Variants in PARM1 observed in about 807,000 individuals in gnomAD.
The protein encoded by PARM1 is WSC4, cell wall integrity and stress response component 4 homolog.
A neutral mutation model predicts 24.6 loss-of-function variants in PARM1; 14 were observed. That is an observed-to-expected ratio of 0.57 (90% confidence interval 0.38 to 0.89). The LOEUF is 0.89. Ranked by LOEUF, PARM1 falls within the 40% of genes least tolerant of loss-of-function variation. PARM1 has a pLI of 0.00. For synonymous variants in PARM1, 179 were observed against 156.6 expected (o/e 1.14, Z -1.07); for missense variants, 362 against 380.4 (o/e 0.95, Z 0.40).
intron 1 of PARM1, among the ~76,000 whole-genome samples, chr4:74,959,749 A>G (rs1721725661): frequency 6.6e-6 from 1 of 152,336 alleles, no homozygotes; most frequent in Non-Finnish European, 1.5e-5. Flanking sequence ...TGATCTTTTT[A>G]TAGCACTTAC....
At chr4:74,984,697 G>A (rs976631825) in intron 1 of PARM1, among the ~76,000 whole-genome samples, 7 of 152,188 alleles carry the variant, frequency 4.6e-5, no homozygotes, top group Non-Finnish European at 7.3e-5. Context: ...TTAACATAGC[G>A]TAGACTGTTT....
intron 2 of PARM1, among the ~76,000 whole-genome samples, chr4:75,031,128 C>T (rs532948008): frequency 6.6e-5 from 10 of 152,254 alleles, no homozygotes; most frequent in African/African-American, 2.2e-4. Flanking sequence ...GAGGTAACAG[C>T]AAGCTCAGGA....
chr4:75,033,871 C>T lies in PARM1; in HGVS notation c.770-12C>T. On this transcript the variant is annotated splice_polypyrimidine_tract_variant and intron_variant, in intron 2 of 3. Transcript: ENST00000307428. Reference sequence around the variant, plus strand: ...CATGTATCTTCTTTTCTGTGCCCTTCCTCCTTCACAGGCAGCATCGCCGCC... The same window carrying T: ...CATGTATCTTCTTTTCTGTGCCCTTTCTCCTTCACAGGCAGCATCGCCGCC... The T allele has an allele frequency of 1.9e-6, 3 of 1,589,522 alleles. No homozygotes were observed. Among genetic ancestry groups the T allele is most frequent in the Non-Finnish European group, 2.6e-6 (3 of 1,167,384 alleles).
At chr4:74,972,257 G>A (rs1264017573) in intron 1 of PARM1, among the ~76,000 whole-genome samples, 2 of 152,156 alleles carry the variant, frequency 1.3e-5, no homozygotes, top group Non-Finnish European at 2.9e-5. Flanking sequence ...GTCTACTGTT[G>A]GGGAGCCCTG....
intron 2 of PARM1, among the ~76,000 whole-genome samples, chr4:75,019,840 A>G (rs1366980558): frequency 1.3e-5 from 2 of 150,594 alleles, no homozygotes; most frequent in East Asian, 1.9e-4. Flanking sequence ...CGTCTCTACT[A>G]AAAATACAAA....
At chr4:74,988,119 C>T (rs751212592) in intron 1 of PARM1, among the ~76,000 whole-genome samples, 1 of 151,926 alleles carries the variant, frequency 6.6e-6, no homozygotes, top group Non-Finnish European at 1.5e-5. Context: ...ACAATGGGCA[C>T]CTTTATGCAA....
At chr4:75,012,306 G>T (rs1436359822) in intron 1 of PARM1, 119 bp from the exon 2 acceptor site, 5 of 1,124,346 alleles carry the variant, frequency 4.4e-6, no homozygotes, top group Non-Finnish European at 6.3e-6. Context: ...AGGGCACAAT[G>T]CAAAATGAGA....
intron 1 of PARM1, among the ~76,000 whole-genome samples, chr4:74,934,191 A>G (rs931082104): frequency 2.6e-5 from 4 of 151,932 alleles, no homozygotes; most frequent in African/African-American, 9.7e-5. Context: ...GACCGGGGAG[A>G]GATTCAGAAA....
rs1388954321 is a variant in PARM1 at position 75,012,578 on chromosome 4, TCCC to T, written c.198_200del (p.Pro67del). ...AACGGCACTCACAACAACTCGGTGC[TCCC>T]AGTTACAGCATCAGCCCCAACATCT... On this transcript the variant is annotated inframe_deletion, in exon 2 of 4. Coordinates refer to ENST00000307428, the MANE Select transcript of PARM1 (RefSeq NM_015393.4). The T allele has an allele frequency of 6.2e-7, 1 of 1,613,800 alleles. No individual in the cohort carries two copies. The highest frequency in any genetic ancestry group is 2.2e-5 in the East Asian group (1 of 44,864).
At position 75,022,971 on chromosome 4, in the gene PARM1, A is replaced by G. The variant is rs1217688642; in HGVS notation, c.769+9821A>G. Among the ~76,000 whole-genome samples, 4 of 152,160 alleles carry G rather than the reference A, an allele frequency of 2.6e-5. No individual in the cohort carries two copies. In the East Asian group the frequency reaches 7.7e-4, roughly 29 times the overall value. ...CCCTCAGGTCCTAGGAGAGAAAAAT[A>G]TTGGCCAAAAGAGATGATATTTTAT... On this transcript the variant is annotated intron_variant, in intron 2 of 3. Coordinates refer to ENST00000307428, the MANE Select transcript of PARM1 (RefSeq NM_015393.4).
chr4:75,039,108 G>C (rs1723427768), intron 3 of PARM1, among the ~76,000 whole-genome samples: 1 of 152,222 alleles, frequency 6.6e-6, no homozygotes, highest in Non-Finnish European at 1.5e-5. Flanking sequence ...AGATCTTCTA[G>C]AATTTGTTAT....
At chr4:75,014,104 C>T (rs1722932345) in intron 2 of PARM1, among the ~76,000 whole-genome samples, 1 of 152,144 alleles carries the variant, frequency 6.6e-6, no homozygotes, top group African/African-American at 2.4e-5. Flanking sequence ...CCAGACAGAA[C>T]CCTGCATGGT....
chr4:75,031,879 T>C (rs1432206441), intron 2 of PARM1, among the ~76,000 whole-genome samples: 2 of 152,226 alleles, frequency 1.3e-5, no homozygotes, highest in African/African-American at 4.8e-5. Context: ...GTTGTAACCC[T>C]CCTTTCATAA....
intron 1 of PARM1, among the ~76,000 whole-genome samples, chr4:75,008,560 G>A (rs1044729346): frequency 6.6e-6 from 1 of 152,152 alleles, no homozygotes; most frequent in Non-Finnish European, 1.5e-5. Context: ...GAATTCAAAT[G>A]TCATCTCTTC....
chr4:74,979,161 C>A (rs370422014), intron 1 of PARM1, among the ~76,000 whole-genome samples: 2 of 151,070 alleles, frequency 1.3e-5, no homozygotes, highest in African/African-American at 2.4e-5. Flanking sequence ...AAAAAACCTT[C>A]GAAAAAATCA....
At chr4:74,989,412 T>G (rs754617461) in intron 1 of PARM1, among the ~76,000 whole-genome samples, 1 of 152,158 alleles carries the variant, frequency 6.6e-6, no homozygotes, top group Non-Finnish European at 1.5e-5. Context: ...ATTTACCAGC[T>G]TATGTTCAAG....
intron 1 of PARM1, among the ~76,000 whole-genome samples, chr4:75,001,771 T>TC (rs373483368): frequency 3.2e-3 from 492 of 152,232 alleles, no homozygotes; most frequent in Non-Finnish European, 5.3e-3. Context: ...TTATTTGCCT[T>TC]CTCAGAAAGC....
At chr4:75,028,996 A>T (rs1164714531) in intron 2 of PARM1, among the ~76,000 whole-genome samples, 1 of 152,218 alleles carries the variant, frequency 6.6e-6, no homozygotes, top group African/African-American at 2.4e-5. Flanking sequence ...GCCCAGGAAT[A>T]TAGAAGGACC....
At chr4:74,958,000 C>T (rs563567686) in intron 1 of PARM1, among the ~76,000 whole-genome samples, 2 of 152,086 alleles carry the variant, frequency 1.3e-5, no homozygotes, top group Non-Finnish European at 2.9e-5. Flanking sequence ...ATTTTCTTGC[C>T]TGTAAATGGC....
Sources: allele counts gnomAD v4.1 joint callset (sites outside exome capture counted in the v4.1 genomes callset), GRCh38; gene constraint gnomAD v4.1.1; transcripts MANE v1.5; gene names NCBI Gene and HGNC (gene_info 2026-07-23, HGNC 2026-07-21).